Variants in BTBD9 observed in about 807,000 individuals in gnomAD.
BTBD9 encodes BTB domain containing 9.
In BTBD9, 49 loss-of-function variants were observed where a neutral mutation model predicts 64.3. The observed-to-expected ratio is 0.76, with a 90% CI of 0.61 to 0.97. The LOEUF (loss-of-function observed/expected upper bound fraction) is 0.97, where lower values mean the gene tolerates loss of function less well. BTBD9 is among the 50% of genes least tolerant of loss of function. BTBD9 has a pLI of 0.00. For synonymous variants in BTBD9, 260 were observed against 274.7 expected (o/e 0.95, Z 0.53); for missense variants, 598 against 762.1 (o/e 0.78, Z 2.53).
At position 38,170,853 on chromosome 6, in the gene BTBD9, C is replaced by T. The variant is rs1766725353; in HGVS notation, c.*4132G>A. The T allele has an allele frequency of 6.6e-6, 1 of 152,260 alleles. No homozygotes were observed. The highest frequency in any genetic ancestry group is 1.5e-5 in the Non-Finnish European group (1 of 68,050). 9.4% of individuals were successfully genotyped at this position (152,260 alleles called of 1,614,324 possible). A position where few individuals can be genotyped will look rare whatever the true frequency, so the allele number is the denominator to read the frequency against. ...TGGAGTATGCCCACCTCTGCCACGG[C>T]ATCGCTGCAGACCTGCCCTGCCCGG... On this transcript the variant is annotated 3_prime_UTR_variant, in exon 11 of 11. Coordinates refer to ENST00000481247, the MANE Select transcript of BTBD9 (RefSeq NM_001099272.2).
intron 6 of BTBD9, among the ~76,000 whole-genome samples, chr6:38,558,858 A>G (rs1775144815): frequency 6.6e-6 from 1 of 151,996 alleles, no homozygotes; most frequent in Admixed American, 6.6e-5. Context: ...TTTTTCCCAT[A>G]TCTTTGCCAG....
intron 6 of BTBD9, among the ~76,000 whole-genome samples, chr6:38,403,871 T>G (rs1019391316): frequency 6.6e-6 from 1 of 152,240 alleles, no homozygotes; most frequent in African/African-American, 2.4e-5. Context: ...ATACTGTATA[T>G]TCATACAATG....
intron 6 of BTBD9, among the ~76,000 whole-genome samples, chr6:38,371,256 C>T (rs987821462): frequency 2.0e-5 from 3 of 152,174 alleles, no homozygotes; most frequent in Non-Finnish European, 4.4e-5. Flanking sequence ...GTATTGTGCA[C>T]AGATGAGACC....
At chr6:38,635,475 T>A (rs1306843161) in intron 1 of BTBD9, among the ~76,000 whole-genome samples, 1 of 152,188 alleles carries the variant, frequency 6.6e-6, no homozygotes, top group African/African-American at 2.4e-5. Flanking sequence ...ATTTTAGAAC[T>A]ACTATGGTTT....
At chr6:38,578,060 C>T (rs1450821617) in intron 5 of BTBD9, among the ~76,000 whole-genome samples, 2 of 152,096 alleles carry the variant, frequency 1.3e-5, no homozygotes, top group African/African-American at 4.8e-5. Context: ...GATGTCTCAC[C>T]TATACCATAT....
intron 9 of BTBD9, among the ~76,000 whole-genome samples, chr6:38,195,474 G>A (rs1762246649): frequency 6.6e-6 from 1 of 152,178 alleles, no homozygotes. Context: ...TTGAACAGGA[G>A]CAGTGAATTG....
intron 6 of BTBD9, among the ~76,000 whole-genome samples, chr6:38,459,395 T>C (rs1278624001): frequency 6.6e-6 from 1 of 152,222 alleles, no homozygotes; most frequent in Non-Finnish European, 1.5e-5. Flanking sequence ...TAGTTTGCAG[T>C]TAGGTGAAGT....
At chr6:38,204,226 T>C (rs1418483089) in intron 9 of BTBD9, among the ~76,000 whole-genome samples, 3 of 151,946 alleles carry the variant, frequency 2.0e-5, no homozygotes, top group Non-Finnish European at 4.4e-5. Context: ...TCAAGATACA[T>C]ACCCAAGAAA....
intron 2 of BTBD9, among the ~76,000 whole-genome samples, chr6:38,596,373 G>T (rs910504362): frequency 6.6e-6 from 1 of 152,164 alleles, no homozygotes; most frequent in African/African-American, 2.4e-5. Context: ...CAAAGTATTT[G>T]AGTTTTTTTT....
At chr6:38,484,575 GAGACAGGTAC>G (rs1771312635) in intron 6 of BTBD9, among the ~76,000 whole-genome samples, 2 of 152,200 alleles carry the variant, frequency 1.3e-5, no homozygotes, top group Non-Finnish European at 2.9e-5. Flanking sequence ...GCAACCCTAT[GAGACAGGTAC>G]AGGGATAGCT....
chr6:38,471,144 T>G (rs979265523), intron 6 of BTBD9, among the ~76,000 whole-genome samples: 17 of 151,536 alleles, frequency 1.1e-4, no homozygotes, highest in Admixed American at 1.1e-3. Context: ...GTACTTTAAA[T>G]AAGTTGTAAG....
chr6:38,514,995 T>C (rs1772947091), intron 6 of BTBD9, among the ~76,000 whole-genome samples: 1 of 152,210 alleles, frequency 6.6e-6, no homozygotes, highest in South Asian at 2.1e-4. Context: ...TTTATTTCAA[T>C]TTTTCATATA....
intron 9 of BTBD9, among the ~76,000 whole-genome samples, chr6:38,225,048 G>A (rs1164231157): frequency 1.3e-5 from 2 of 152,150 alleles, no homozygotes; most frequent in Non-Finnish European, 2.9e-5. Context: ...CCTATGAAAG[G>A]GGCACTTACC....
At chr6:38,339,863 C>T (rs753532861) in intron 7 of BTBD9, among the ~76,000 whole-genome samples, 3 of 152,158 alleles carry the variant, frequency 2.0e-5, no homozygotes, top group Admixed American at 6.5e-5. Context: ...CATAACTACA[C>T]AGAGAATCGT....
intron 6 of BTBD9, among the ~76,000 whole-genome samples, chr6:38,345,860 C>A (rs1445939958): frequency 1.3e-5 from 2 of 152,202 alleles, no homozygotes; most frequent in African/African-American, 2.4e-5. Flanking sequence ...CTCCGACAAA[C>A]AAGCATTAAC....
chr6:38,360,706 A>G (rs990952394), intron 6 of BTBD9, among the ~76,000 whole-genome samples: 1 of 152,158 alleles, frequency 6.6e-6, no homozygotes, highest in South Asian at 2.1e-4. Flanking sequence ...ATATGACCCT[A>G]GGACCCTAGG....
intron 6 of BTBD9, among the ~76,000 whole-genome samples, chr6:38,370,724 C>T (rs1291600338): frequency 1.3e-5 from 2 of 152,196 alleles, no homozygotes; most frequent in Admixed American, 1.3e-4. Flanking sequence ...GATGCTACAG[C>T]AGCACAATAA....
chr6:38,445,426 G>T (rs114367362), intron 6 of BTBD9, among the ~76,000 whole-genome samples: 28 of 152,322 alleles, frequency 1.8e-4, no homozygotes, highest in African/African-American at 4.3e-4. Context: ...AGTCTACCAG[G>T]AAGGGAAGTG....
intron 6 of BTBD9, among the ~76,000 whole-genome samples, chr6:38,433,349 T>C (rs988462469): frequency 1.3e-5 from 2 of 151,932 alleles, no homozygotes; most frequent in African/African-American, 2.4e-5. Context: ...TCATATCCCC[T>C]GTGACCTGCA....
Sources: gnomAD v4.1 joint callset for allele counts (sites outside exome capture counted in the v4.1 genomes callset) on GRCh38, gnomAD v4.1.1 for gene constraint, MANE v1.5 for transcripts, NCBI Gene and HGNC (gene_info 2026-07-23, HGNC 2026-07-21) for gene names.